The following ARHGEF26 variants were observed in gnomAD, a reference collection of about 807,000 sequenced individuals.
ARHGEF26 encodes the protein Rho guanine nucleotide exchange factor 26.
ARHGEF26 carries 59 observed loss-of-function variants against 89.4 expected under a neutral mutation model. That is an observed-to-expected ratio of 0.66 (90% CI 0.54 to 0.82). The LOEUF is 0.82. ARHGEF26 is among the 40% of genes least tolerant of loss of function. The pLI is 0.00. For synonymous variants in ARHGEF26, 500 were observed against 428.4 expected, an observed-to-expected ratio of 1.17 and a Z score of -2.06; for missense variants, 1,234 against 1,085.6, an observed-to-expected ratio of 1.14 and a Z score of -1.92.
intron 9 of ARHGEF26, 74 bp downstream of exon 9, chr3:154,194,792 C>A: frequency 7.6e-7 from 1 of 1,315,944 alleles, no homozygotes; most frequent in Non-Finnish European, 1.1e-6. Context: ...TGTGTCTTGG[C>A]TTGATGCTGA....
intron 6 of ARHGEF26, among the ~76,000 whole-genome samples, chr3:154,166,328 G>A (rs1028994699): frequency 1.3e-5 from 2 of 152,188 alleles, no homozygotes; most frequent in Admixed American, 6.5e-5. Context: ...GGGATTACAG[G>A]CATGAGCCAC....
chr3:154,145,731 G>C (rs1719662346), intron 4 of ARHGEF26, among the ~76,000 whole-genome samples: 1 of 152,166 alleles, frequency 6.6e-6, no homozygotes. Context: ...ATGATTATCT[G>C]ATCAGCCAAG....
At chr3:154,184,117 C>G (rs1211574750) in intron 6 of ARHGEF26, among the ~76,000 whole-genome samples, 3 of 151,968 alleles carry the variant, frequency 2.0e-5, no homozygotes, top group Non-Finnish European at 4.4e-5. Flanking sequence ...GGACTACAGG[C>G]GTCTGCCACC....
intron 6 of ARHGEF26, among the ~76,000 whole-genome samples, chr3:154,160,479 A>G (rs1711589416): frequency 1.3e-5 from 2 of 152,198 alleles, no homozygotes; most frequent in East Asian, 1.9e-4. Context: ...TAAAAATCCC[A>G]GTAAAAATGA....
At chr3:154,168,959 G>A (rs1712228655) in intron 6 of ARHGEF26, among the ~76,000 whole-genome samples, 1 of 151,702 alleles carries the variant, frequency 6.6e-6, no homozygotes, top group African/African-American at 2.4e-5. Flanking sequence ...TATGAGAAAT[G>A]TGAGATAGTT....
intron 7 of ARHGEF26, among the ~76,000 whole-genome samples, chr3:154,190,198 GT>G (rs1196327650): frequency 6.6e-6 from 1 of 151,986 alleles, no homozygotes; most frequent in Non-Finnish European, 1.5e-5. Flanking sequence ...GGACAAGAGT[GT>G]CAGATTTAAC....
intron 11 of ARHGEF26, 85 bp from the exon 12 acceptor site, chr3:154,240,285 T>A: frequency 9.9e-7 from 1 of 1,015,052 alleles, no homozygotes; most frequent in Non-Finnish European, 1.4e-6. Context: ...CTCCTTGCTG[T>A]TTCCACCAAA....
intron 6 of ARHGEF26, among the ~76,000 whole-genome samples, chr3:154,181,511 C>T (rs1370384918): frequency 1.3e-5 from 2 of 152,106 alleles, no homozygotes; most frequent in African/African-American, 4.8e-5. Flanking sequence ...AGGAGGGCAC[C>T]GGACAGCGGC....
intron 9 of ARHGEF26, among the ~76,000 whole-genome samples, chr3:154,197,129 CT>C (rs1487367586): frequency 6.6e-6 from 1 of 152,094 alleles, no homozygotes; most frequent in African/African-American, 2.4e-5. Flanking sequence ...ATACAAAAAG[CT>C]ATCATGTGAA....
At chr3:154,250,519 A>G (rs1718076720) in intron 12 of ARHGEF26, among the ~76,000 whole-genome samples, 1 of 152,242 alleles carries the variant, frequency 6.6e-6, no homozygotes, top group Admixed American at 6.5e-5. Context: ...ATTAGCATCC[A>G]GGCAGCATGC....
chr3:154,227,283 T>G (rs1178859551), intron 11 of ARHGEF26, among the ~76,000 whole-genome samples: 1 of 139,750 alleles, frequency 7.2e-6, no homozygotes, highest in East Asian at 2.2e-4. Flanking sequence ...TTCTAGCAGC[T>G]AAGTAAAAAT....
chr3:154,197,242 C>T (rs932989348), intron 9 of ARHGEF26, among the ~76,000 whole-genome samples: 4 of 152,130 alleles, frequency 2.6e-5, no homozygotes, highest in Non-Finnish European at 4.4e-5. Context: ...AGTCTCCCAG[C>T]GTTACAGGGA....
At chr3:154,166,715 G>T (rs1286434899) in intron 6 of ARHGEF26, among the ~76,000 whole-genome samples, 1 of 152,086 alleles carries the variant, frequency 6.6e-6, no homozygotes, top group Non-Finnish European at 1.5e-5. Context: ...CTCATCAGGG[G>T]CTGCCTCAAT....
At chr3:154,255,193 C>A in intron 14 of ARHGEF26, 138 bp from the exon 15 acceptor site, 1 of 885,258 alleles carries the variant, frequency 1.1e-6, no homozygotes, top group Non-Finnish European at 1.7e-6. Context: ...CCCTCGAAAG[C>A]TTTCCCTGTC....
chr3:154,219,126 C>T (rs935114155), intron 10 of ARHGEF26, among the ~76,000 whole-genome samples: 11 of 152,190 alleles, frequency 7.2e-5, no homozygotes, highest in African/African-American at 2.7e-4. Flanking sequence ...ACCCATCTTT[C>T]TCCCAACTCT....
chr3:154,252,624 T>C (rs533572039), intron 12 of ARHGEF26, among the ~76,000 whole-genome samples: 95 of 152,324 alleles, frequency 6.2e-4, no homozygotes, highest in Non-Finnish European at 1.0e-3. Context: ...GTAAGACTCA[T>C]ATTTGGCAAA....
chr3:154,181,933 T>C (rs1249806307), intron 6 of ARHGEF26, among the ~76,000 whole-genome samples: 1 of 152,156 alleles, frequency 6.6e-6, no homozygotes, highest in Non-Finnish European at 1.5e-5. Flanking sequence ...TCATTTTTTA[T>C]TTAAAACAAT....
Position 154,122,379 on chromosome 3 carries a change from A to C in ARHGEF26, c.387A>C (p.Ala129=), listed in dbSNP as rs1456545784. Reference sequence around the variant, plus strand: ...CTGGCGGCTCCCCGAAATCCCCAGCAAATGGCGCGGTGACCTTGCCTGCGC... The same window carrying C: ...CTGGCGGCTCCCCGAAATCCCCAGCCAATGGCGCGGTGACCTTGCCTGCGC... The part of the protein sequence containing the change: ...AVPGGSPKSP[A]NGAVTLPAPP... Residue 129 remains alanine (A), a synonymous_variant, in exon 2 of 15, where the codon GCA becomes GCC. Transcript: ENST00000465093. The C allele has an allele frequency of 6.2e-7, 1 of 1,612,144 alleles. No individual in the cohort carries two copies. Among genetic ancestry groups the C allele is most frequent in the Non-Finnish European group, 8.5e-7 (1 of 1,179,526 alleles).
At chr3:154,164,345 A>G (rs1301425191) in intron 6 of ARHGEF26, among the ~76,000 whole-genome samples, 1 of 152,052 alleles carries the variant, frequency 6.6e-6, no homozygotes. Flanking sequence ...TGTTTTAAGG[A>G]TGTGGATTAA....
Sources: gnomAD v4.1 joint callset for allele counts (sites outside exome capture counted in the v4.1 genomes callset) on GRCh38, gnomAD v4.1.1 for gene constraint, MANE v1.5 for transcripts, NCBI Gene and HGNC (gene_info 2026-07-23, HGNC 2026-07-21) for gene names.